HECW1: variants seen among roughly 807,000 people sequenced by gnomAD.
HECW1 encodes the protein E3 ubiquitin-protein ligase HECW1.
HECW1 carries 61 observed loss-of-function variants against 182.3 expected under a neutral mutation model. That is an observed-to-expected ratio of 0.33 (90% CI 0.27 to 0.41). The LOEUF is 0.41. Among genes scored for constraint, HECW1 ranks in the 10% least tolerant of loss-of-function variants. HECW1 has a pLI of 1.00. For synonymous variants in HECW1, 859 were observed against 832.6 expected (o/e 1.03, Z -0.55); for missense variants, 1,739 against 2,108.9 (o/e 0.82, Z 3.44).
At position 43,243,996 on chromosome 7, in the gene HECW1, C is replaced by A; in HGVS notation, c.27+64C>A. On this transcript the variant is annotated intron_variant, in intron 3 of 29. Coordinates refer to ENST00000395891, the MANE Select transcript of HECW1 (RefSeq NM_015052.5). The surrounding 1 kb of genome is among the most constrained non-coding windows in gnomAD (Gnocchi z 4.0). Reference sequence around the variant, plus strand: ...CATTCCATTATAAACCCACTCCACTCATAATGGAATGTGCCTCAGCCTAGG... The same window carrying A: ...CATTCCATTATAAACCCACTCCACTAATAATGGAATGTGCCTCAGCCTAGG... 1 of 1,283,054 alleles carries A rather than the reference C, an allele frequency of 7.8e-7. No individual in the cohort carries two copies. The highest frequency in any genetic ancestry group is 1.1e-6 in the Non-Finnish European group (1 of 877,410). 79.5% of individuals were successfully genotyped at this position (1,283,054 alleles called of 1,614,324 possible). A position where few individuals can be genotyped will look rare whatever the true frequency, so the allele number is the denominator to read the frequency against.
intron 2 of HECW1, among the ~76,000 whole-genome samples, chr7:43,129,118 A>T (rs34774635): frequency 0.073 from 11,059 of 152,326 alleles, 564 homozygotes; most frequent in Non-Finnish European, 0.1. Flanking sequence ...TAGTTGATAA[A>T]GCAGCAGCAG....
chr7:43,189,330 G>A (rs971292684), intron 2 of HECW1, among the ~76,000 whole-genome samples: 9 of 152,106 alleles, frequency 5.9e-5, no homozygotes, highest in African/African-American at 2.2e-4. Context: ...TGAGGGTGGG[G>A]CCTGAGACTT....
intron 2 of HECW1, among the ~76,000 whole-genome samples, chr7:43,192,773 A>C (rs767807592): frequency 2.6e-5 from 4 of 152,180 alleles, no homozygotes; most frequent in South Asian, 2.1e-4. Context: ...TTGTACATAC[A>C]TTTCTATATC....
At chr7:43,395,254 C>A (rs1435153953) in intron 6 of HECW1, among the ~76,000 whole-genome samples, 1 of 152,134 alleles carries the variant, frequency 6.6e-6, no homozygotes, top group Non-Finnish European at 1.5e-5. Flanking sequence ...TGGGAAAGGG[C>A]TTTTACTGTC....
intron 24 of HECW1, among the ~76,000 whole-genome samples, chr7:43,522,872 C>A (rs2080559559): frequency 6.6e-6 from 1 of 152,190 alleles, no homozygotes; most frequent in Admixed American, 6.5e-5. Flanking sequence ...GGACAGGGAG[C>A]TGCAGAGAAT....
intron 5 of HECW1, among the ~76,000 whole-genome samples, chr7:43,352,239 G>T (rs1306281328): frequency 6.6e-6 from 1 of 152,000 alleles, no homozygotes; most frequent in Non-Finnish European, 1.5e-5. Flanking sequence ...AAACTTTCAG[G>T]ACATCTAATT....
chr7:43,338,161 A>G (rs1285833216), intron 5 of HECW1, among the ~76,000 whole-genome samples: 1 of 152,148 alleles, frequency 6.6e-6, no homozygotes, highest in Non-Finnish European at 1.5e-5. Context: ...AGACTCAGTG[A>G]TGATATTACT....
At chr7:43,169,867 ACC>A (rs1234153697) in intron 2 of HECW1, among the ~76,000 whole-genome samples, 1 of 149,988 alleles carries the variant, frequency 6.7e-6, no homozygotes, top group African/African-American at 2.5e-5. Context: ...CCAATTCCCC[ACC>A]CCCAGGAGAC....
intron 3 of HECW1, among the ~76,000 whole-genome samples, chr7:43,264,430 T>C (rs746806714): frequency 3.3e-5 from 5 of 152,200 alleles, no homozygotes; most frequent in Non-Finnish European, 7.3e-5. Context: ...ATTTTACTCC[T>C]TTTAAAGATT....
At chr7:43,370,486 A>G (rs1413030875) in intron 6 of HECW1, among the ~76,000 whole-genome samples, 1 of 152,226 alleles carries the variant, frequency 6.6e-6, no homozygotes, top group African/African-American at 2.4e-5. Flanking sequence ...ATGATTCAGC[A>G]ATCTCACTCC....
Position 43,415,158 on chromosome 7 carries a change from G to A in HECW1, c.801+7427G>A, listed in dbSNP as rs113727579. 2.3e-3 allele frequency among the ~76,000 whole-genome samples: 351 copies of A among 150,864 alleles called. 6 individuals carry two copies. The East Asian group carries it at 0.048, about 21-fold the overall frequency. On this transcript the variant is annotated intron_variant, in intron 8 of 29. Transcript: ENST00000395891. The stretch of plus-strand genomic sequence containing the variant: ...TTACATTTTGTCATGATTTTGCAGC[G>A]GCTGGTACCGGTTGTTCCTTTCCAT...
rs2079097250 is a variant in HECW1, at chr7:43,495,812, T to C, written c.3437+2632T>C. On this transcript the variant is annotated intron_variant, in intron 19 of 29. Transcript: ENST00000395891. ...ACTCACCTAACAACCCAAGGGAATT[T>C]TCAAGGGATTTCCAGGGATGTTGTA... Among the ~76,000 whole-genome samples, 5 of 152,202 alleles carry C rather than the reference T, an allele frequency of 3.3e-5. No homozygotes were observed. The South Asian group carries it at 1.0e-3, about 32-fold the overall frequency.
chr7:43,117,063 A>G (rs545110327), intron 2 of HECW1, among the ~76,000 whole-genome samples: 1 of 152,344 alleles, frequency 6.6e-6, no homozygotes, highest in South Asian at 2.1e-4. Context: ...CATTTCTATA[A>G]TCCTTTCTTA....
intron 3 of HECW1, among the ~76,000 whole-genome samples, chr7:43,281,961 G>A (rs140012029): frequency 2.4e-4 from 36 of 152,114 alleles, no homozygotes; most frequent in African/African-American, 7.5e-4. Flanking sequence ...CTCTCTCCAT[G>A]AGCCTTTTTC....
At chr7:43,114,762 A>T (rs544912297) in intron 2 of HECW1, among the ~76,000 whole-genome samples, 27 of 152,218 alleles carry the variant, frequency 1.8e-4, no homozygotes, top group Non-Finnish European at 3.5e-4. Context: ...TCATGAAGGC[A>T]AATTGCCTAA....
At chr7:43,271,528 A>G (rs1415203375) in intron 3 of HECW1, among the ~76,000 whole-genome samples, 1 of 152,238 alleles carries the variant, frequency 6.6e-6, no homozygotes, top group Non-Finnish European at 1.5e-5. Flanking sequence ...TACAAAATCA[A>G]TGGACAAAAA....
At chr7:43,171,298 C>CAT (rs1376749015) in intron 2 of HECW1, among the ~76,000 whole-genome samples, 1 of 152,192 alleles carries the variant, frequency 6.6e-6, no homozygotes, top group African/African-American at 2.4e-5. Context: ...AACACAGGCA[C>CAT]ATACACACAC....
intron 17 of HECW1, among the ~76,000 whole-genome samples, chr7:43,483,514 G>A (rs1363588521): frequency 6.7e-6 from 1 of 150,282 alleles, no homozygotes; most frequent in African/African-American, 2.4e-5. Flanking sequence ...CAGGACCACA[G>A]CTCAGGTTTC....
chr7:43,503,857 T>C lies in HECW1; in HGVS notation c.3631+2535T>C, dbSNP rs562022156. On this transcript the variant is annotated intron_variant, in intron 21 of 29. Coordinates refer to ENST00000395891, the MANE Select transcript of HECW1 (RefSeq NM_015052.5). ...GAAAATCATAATTAATAAAATATACTGAAATGTGCTGGACAGAAAATTATA... is the reference window on the plus strand; with the variant it reads ...GAAAATCATAATTAATAAAATATACCGAAATGTGCTGGACAGAAAATTATA... Among the ~76,000 whole-genome samples the C allele has an allele frequency of 1.2e-4, 19 of 152,340 alleles. 1 individual carries two copies. The South Asian group carries it at 3.9e-3, about 32-fold the overall frequency.
Sources: allele counts gnomAD v4.1 joint callset (sites outside exome capture counted in the v4.1 genomes callset), GRCh38; gene constraint gnomAD v4.1.1; non-coding constraint Gnocchi (gnomAD v3.1); transcripts MANE v1.5; gene names NCBI Gene and HGNC (gene_info 2026-07-23, HGNC 2026-07-21).